The following TMA7 variants were observed in gnomAD, a reference collection of about 807,000 sequenced individuals.
TMA7 encodes the protein translation machinery-associated protein 7.
Under a neutral mutation model 12.5 loss-of-function variants are expected in TMA7, and 5 were observed. That is an observed-to-expected ratio of 0.40 (90% CI 0.21 to 0.84). The LOEUF (loss-of-function observed/expected upper bound fraction) is 0.84, where lower values mean the gene tolerates loss of function less well. Among genes scored for constraint, TMA7 ranks in the 40% least tolerant of loss-of-function variants. The pLI is 0.36. For synonymous variants in TMA7, 36 were observed against 28.1 expected, an observed-to-expected ratio of 1.28 and a Z score of -0.89; for missense variants, 71 against 75.4, an observed-to-expected ratio of 0.94 and a Z score of 0.22.
rs747573501 is a variant in TMA7, at chr3:48,440,429, C to T, written c.43C>T (p.Pro15Ser). The change falls in exon 2 of 4, where the codon CCC (proline) becomes TCC (serine). Residue 15 changes from proline (P) to serine (S), a missense_variant. By Grantham distance (74) the Pro-to-Ser change is moderately conservative. Transcript: ENST00000438607. ...TGGCAAGAAGAAGCCACTGAAACAG[C>T]CCAAGAAGCAGGCCAAGGAGATGGA... is the stretch of plus-strand genomic sequence containing the variant. ...EGGKKKPLKQPKKQAKEMDEE... is the reference protein window; with the variant it reads ...EGGKKKPLKQSKKQAKEMDEE... 1.2e-6 allele frequency: 2 copies of T among 1,612,466 alleles called. No homozygotes were observed. Among genetic ancestry groups the T allele is most frequent in the South Asian group, 2.2e-5 (2 of 91,028 alleles).
At chr3:48,443,481 C>T (rs2039612428) in intron 3 of TMA7, among the ~76,000 whole-genome samples, 1 of 151,354 alleles carries the variant, frequency 6.6e-6, no homozygotes, top group Non-Finnish European at 1.5e-5. Context: ...TTGCAGTGAG[C>T]TGAGATCGTG....
chr3:48,442,260 CAA>C lies in TMA7; in HGVS notation c.161-1570_161-1569del, dbSNP rs199829895. On this transcript the variant is annotated intron_variant, in intron 3 of 3. Transcript: ENST00000438607. ...TGGGAGATAGAATGAGACCCTATCTCAAAAAAAAAAAAAAAAAAAGGTATCTT... is the reference window on the plus strand; with the variant it reads ...TGGGAGATAGAATGAGACCCTATCTCAAAAAAAAAAAAAAAAAGGTATCTT... 6.8e-3 allele frequency among the ~76,000 whole-genome samples: 893 copies of C among 131,754 alleles called. 12 individuals carry two copies. Among genetic ancestry groups the C allele is most frequent in the African/African-American group, 0.021 (768 of 36,704 alleles). 86.4% of individuals were successfully genotyped at this position (131,754 alleles called of 152,430 possible). A position where few individuals can be genotyped will look rare whatever the true frequency, so the allele number is the denominator to read the frequency against.
At position 48,442,554 on chromosome 3, in the gene TMA7, T is replaced by C. The variant is rs192094739; in HGVS notation, c.161-1294T>C. ...GCAGCCTCCGCCTCCCAGGTTCAAG[T>C]GATTCTCCTGCCTCAGCCTCCTGAG... is the stretch of plus-strand genomic sequence containing the variant. On this transcript the variant is annotated intron_variant, in intron 3 of 3. Coordinates refer to ENST00000438607, the MANE Select transcript of TMA7 (RefSeq NM_015933.6). Among the ~76,000 whole-genome samples the C allele has an allele frequency of 5.3e-3, 807 of 150,904 alleles. 5 individuals are homozygous for C. Among genetic ancestry groups the C allele is most frequent in the African/African-American group, 0.019 (770 of 41,038 alleles).
Position 48,443,829 on chromosome 3 carries a change from G to T in TMA7, c.161-19G>T. The T allele has an allele frequency of 6.4e-7, 1 of 1,556,942 alleles. No homozygotes were observed. Among genetic ancestry groups the T allele is most frequent in the Admixed American group, 2.1e-5 (1 of 46,536 alleles). On this transcript the variant is annotated intron_variant, in intron 3 of 3. Transcript: ENST00000438607. ...AAGAACTATATTTTTCCCTAATTGT[G>T]ACTATTTTTCTTTTGCAGCCACAGG... is the stretch of plus-strand genomic sequence containing the variant.
chr3:48,442,251 A>G (rs2039587199), intron 3 of TMA7, among the ~76,000 whole-genome samples: 1 of 111,782 alleles, frequency 8.9e-6, no homozygotes, highest in Non-Finnish European at 1.8e-5. Context: ...ATAGAATGAG[A>G]CCCTATCTCA....
chr3:48,442,021 G>A (rs9849509), intron 3 of TMA7, among the ~76,000 whole-genome samples: 85,694 of 151,456 alleles, frequency 0.57, 24,271 homozygotes, highest in East Asian at 0.69. Context: ...ATTATTTAAG[G>A]CTAGGAGTTC....
At chr3:48,443,359 C>T (rs1312529882) in intron 3 of TMA7, among the ~76,000 whole-genome samples, 3 of 151,542 alleles carry the variant, frequency 2.0e-5, no homozygotes, top group Non-Finnish European at 4.4e-5. Flanking sequence ...ACCAGCCTGA[C>T]CAATATGGTG....
chr3:48,442,452 CTT>C (rs904695197), intron 3 of TMA7, among the ~76,000 whole-genome samples: 17 of 130,702 alleles, frequency 1.3e-4, no homozygotes, highest in Admixed American at 1.5e-4. Flanking sequence ...TAACCCTACA[CTT>C]TTTTTTTTTT....
chr3:48,440,641 C>T lies in TMA7; in HGVS notation c.160+13C>T, dbSNP rs1017253892. The T allele has an allele frequency of 1.2e-6, 2 of 1,608,226 alleles. No individual in the cohort carries two copies. The highest frequency in any genetic ancestry group is 1.1e-5 in the South Asian group (1 of 90,456). The stretch of plus-strand genomic sequence containing the variant: ...AAGGGGCCCTTGGGTAAGTGGGGGC[C>T]GAATGGAGCTCAAGCTGGCCAAACG... On this transcript the variant is annotated intron_variant, in intron 3 of 3. Coordinates refer to ENST00000438607, the MANE Select transcript of TMA7 (RefSeq NM_015933.6).
chr3:48,440,508 G>T (rs539373986), intron 2 of TMA7, 33 bp from the exon 3 acceptor site: 20 of 1,605,888 alleles, frequency 1.2e-5, no homozygotes, highest in Admixed American at 6.8e-5. Flanking sequence ...CTGGGAGACA[G>T]GCCTGAGTTG....
chr3:48,441,670 C>A (rs1486756033), intron 3 of TMA7, among the ~76,000 whole-genome samples: 3 of 152,166 alleles, frequency 2.0e-5, no homozygotes, highest in Non-Finnish European at 4.4e-5. Context: ...AGGAGAAATT[C>A]ATTACATTTC....
At chr3:48,443,272 G>T (rs1047337284) in intron 3 of TMA7, among the ~76,000 whole-genome samples, 1 of 150,198 alleles carries the variant, frequency 6.7e-6, no homozygotes, top group Admixed American at 6.7e-5. Flanking sequence ...AAAATGCTGG[G>T]GTCGGTGGCT....
chr3:48,440,534 T>G lies in TMA7; in HGVS notation c.73-7T>G. 6.2e-7 allele frequency: 1 copy of G among 1,610,278 alleles called. No homozygotes were observed. The highest frequency in any genetic ancestry group is 2.2e-5 in the East Asian group (1 of 44,814). ...GCCTGAGTTGAACACGCTCTGCCTC[T>G]CCCCAGGAAGATAAGGCTTTCAAGC... On this transcript the variant is annotated splice_region_variant and splice_polypyrimidine_tract_variant and intron_variant, in intron 2 of 3. Transcript: ENST00000438607.
chr3:48,443,946 C>T lies in TMA7; in HGVS notation c.*64C>T, dbSNP rs1298121859. On this transcript the variant is annotated 3_prime_UTR_variant, in exon 4 of 4. Coordinates refer to ENST00000438607, the MANE Select transcript of TMA7 (RefSeq NM_015933.6). The stretch of plus-strand genomic sequence containing the variant: ...TCATCTGTATTTAAACCTCTCTATT[C>T]CCTGCCATAACATCTTTTGCCACGT... 23 of 1,221,614 alleles carry T rather than the reference C, an allele frequency of 1.9e-5. No homozygotes were observed. Among genetic ancestry groups the T allele is most frequent in the Non-Finnish European group, 2.5e-5 (23 of 914,056 alleles). The allele number at this position is 1,221,614 out of a possible 1,614,324, so 75.7% of individuals were successfully genotyped here.
At chr3:48,443,360 C>T (rs537820353) in intron 3 of TMA7, among the ~76,000 whole-genome samples, 1 of 151,192 alleles carries the variant, frequency 6.6e-6, no homozygotes, top group African/African-American at 2.4e-5. Context: ...CCAGCCTGAC[C>T]AATATGGTGA....
At position 48,443,241 on chromosome 3, in the gene TMA7, C is replaced by CA. The variant is rs3082576; in HGVS notation, c.161-583dup. On this transcript the variant is annotated intron_variant, in intron 3 of 3. Coordinates refer to ENST00000438607, the MANE Select transcript of TMA7 (RefSeq NM_015933.6). Reference sequence around the variant, plus strand: ...AGGTGACAAAGCAAGACTCCATCTCCAAAAAAAAAAAAAAAAAAAAAAAAT... The same window carrying CA: ...AGGTGACAAAGCAAGACTCCATCTCCAAAAAAAAAAAAAAAAAAAAAAAAAT... 6.3e-3 allele frequency among the ~76,000 whole-genome samples: 441 copies of CA among 70,456 alleles called. 1 individual carries two copies. The highest frequency in any genetic ancestry group is 8.2e-3 in the Non-Finnish European group (321 of 39,250). The allele number at this position is 70,456 out of a possible 152,430, so 46.2% of individuals were successfully genotyped here.
chr3:48,441,499 TC>T (rs141477856), intron 3 of TMA7, among the ~76,000 whole-genome samples: 9 of 151,248 alleles, frequency 6.0e-5, no homozygotes, highest in African/African-American at 2.2e-4. Flanking sequence ...TTTTTTTTTT[TC>T]GTACTGCTTA....
intron 1 of TMA7, 44 bp downstream of exon 1, chr3:48,440,356 G>A (rs1307235345): frequency 5.0e-6 from 8 of 1,611,764 alleles, no homozygotes; most frequent in South Asian, 4.4e-5. Flanking sequence ...CGGCGGGGTG[G>A]GGACCGGGCG....
intron 3 of TMA7, 53 bp from the exon 4 acceptor site, chr3:48,443,795 T>G: frequency 6.8e-7 from 1 of 1,480,228 alleles, no homozygotes; most frequent in Non-Finnish European, 9.0e-7. Context: ...CCCGTGGGGC[T>G]TCTACCGTAA....
Sources: gnomAD v4.1 joint callset for allele counts (sites outside exome capture counted in the v4.1 genomes callset) on GRCh38, gnomAD v4.1.1 for gene constraint, MANE v1.5 for transcripts, NCBI Gene and HGNC (gene_info 2026-07-23, HGNC 2026-07-21) for gene names.